The following HTR1F variants were observed in gnomAD, a reference collection of about 807,000 sequenced individuals.
The protein encoded by HTR1F is 5-hydroxytryptamine (serotonin) receptor 1F, G protein-coupled.
A neutral mutation model predicts 24.0 loss-of-function variants in HTR1F; 17 were observed. That is an observed-to-expected ratio of 0.71 (90% CI 0.48 to 1.06). The LOEUF is 1.06. Ranked by LOEUF, HTR1F falls within the 50% of genes least tolerant of loss-of-function variation. The pLI is 0.00. For synonymous variants in HTR1F, 186 were observed against 156.8 expected, an observed-to-expected ratio of 1.19 and a Z score of -1.39; for missense variants, 391 against 427.8, an observed-to-expected ratio of 0.91 and a Z score of 0.76.
chr3:87,990,957 T>A lies in HTR1F; in HGVS notation c.208T>A (p.Phe70Ile), dbSNP rs756449324. 6.2e-7 allele frequency: 1 copy of A among 1,614,118 alleles called. No homozygotes were observed. Among genetic ancestry groups the A allele is most frequent in the South Asian group, 1.1e-5 (1 of 91,088 alleles). The change falls in exon 3 of 3, where the codon TTT (phenylalanine) becomes ATT (isoleucine). Residue 70 changes from phenylalanine (F) to isoleucine (I), a missense_variant. Physicochemically the swap from Phe to Ile is conservative, Grantham distance 21. Coordinates refer to ENST00000319595, the MANE Select transcript of HTR1F (RefSeq NM_001322209.2). Reference protein sequence around the residue: ...YLICSLAVTDFLVAVLVMPFS... With the variant: ...YLICSLAVTDILVAVLVMPFS... ...AATTTGTTCCCTTGCAGTCACAGAT[T>A]TTCTTGTGGCTGTCCTGGTGATGCC...
intron 2 of HTR1F, among the ~76,000 whole-genome samples, chr3:87,932,163 T>A (rs1441009367): frequency 2.6e-5 from 4 of 152,082 alleles, no homozygotes; most frequent in African/African-American, 9.7e-5. Context: ...TCTTCTAGGG[T>A]TTTTATGGTT....
intron 2 of HTR1F, among the ~76,000 whole-genome samples, chr3:87,988,753 A>G (rs942252245): frequency 7.4e-6 from 1 of 134,778 alleles, no homozygotes; most frequent in Non-Finnish European, 1.6e-5. Context: ...TTTTTTTTGT[A>G]TTTTTAGTAG....
At chr3:87,809,022 A>G (rs1301607750) in intron 1 of HTR1F, among the ~76,000 whole-genome samples, 1 of 151,776 alleles carries the variant, frequency 6.6e-6, no homozygotes, top group Non-Finnish European at 1.5e-5. Context: ...ACATATTATT[A>G]CATTTCCTTT....
At chr3:87,896,248 T>A (rs1434916702) in intron 2 of HTR1F, among the ~76,000 whole-genome samples, 2 of 152,200 alleles carry the variant, frequency 1.3e-5, no homozygotes, top group East Asian at 3.9e-4. Flanking sequence ...ACACCAATAG[T>A]CATAGCAGCA....
At chr3:87,793,589 T>A (rs1357685461) in intron 1 of HTR1F, 1 of 151,836 alleles carries the variant, frequency 6.6e-6, no homozygotes, top group Non-Finnish European at 1.5e-5. Flanking sequence ...TCCTCAGGGG[T>A]CCTGCCCCTA....
intron 2 of HTR1F, among the ~76,000 whole-genome samples, chr3:87,961,311 C>T (rs191400035): frequency 3.9e-4 from 60 of 152,166 alleles, no homozygotes; most frequent in Non-Finnish European, 7.4e-4. Context: ...TATGCTCCTC[C>T]TTGTCATTGG....
chr3:87,850,465 G>A (rs1705060566), intron 2 of HTR1F, among the ~76,000 whole-genome samples: 1 of 151,874 alleles, frequency 6.6e-6, no homozygotes, highest in East Asian at 1.9e-4. Flanking sequence ...TTGTGGGGTG[G>A]GGGGAGTGGA....
chr3:87,898,739 A>ATACATAT (rs2107320899), intron 2 of HTR1F, among the ~76,000 whole-genome samples: 1 of 152,194 alleles, frequency 6.6e-6, no homozygotes, highest in African/African-American at 2.4e-5. Context: ...TTTGATTTAC[A>ATACATAT]TACATATGAT....
intron 2 of HTR1F, among the ~76,000 whole-genome samples, chr3:87,917,989 AATCCAACAACAT>A (rs1310817169): frequency 1.1e-4 from 16 of 152,078 alleles, no homozygotes; most frequent in African/African-American, 3.9e-4. Context: ...CTGTCTAACG[AATCCAACAACAT>A]ATCAAAAAGA....
chr3:87,893,332 G>A (rs937266684), intron 2 of HTR1F, among the ~76,000 whole-genome samples: 3 of 152,050 alleles, frequency 2.0e-5, no homozygotes, highest in African/African-American at 7.2e-5. Flanking sequence ...TGTTCACATT[G>A]TTTATCATTC....
intron 1 of HTR1F, among the ~76,000 whole-genome samples, chr3:87,818,110 A>G (rs1421563887): frequency 6.6e-6 from 1 of 152,184 alleles, no homozygotes; most frequent in Non-Finnish European, 1.5e-5. Context: ...CTTGTTGAAG[A>G]AGCTCTCAGC....
In HTR1F at chr3:87,991,481, C is replaced by T. The variant is rs1705828796; in HGVS notation, c.732C>T (p.Ser244=). ...GEKSTKSVST[S]YVLEKSLSDP... ...AAAGCACTAAATCAGTTTCCACATC[C>T]TATGTACTAGAAAAGTCTTTATCTG... The change falls in exon 3 of 3, where the codon TCC becomes TCT. Residue 244 remains serine, a synonymous_variant. Transcript: ENST00000319595. The T allele has an allele frequency of 6.2e-7, 1 of 1,613,930 alleles. No individual in the cohort carries two copies. The highest frequency in any genetic ancestry group is 1.3e-5 in the African/African-American group (1 of 74,920).
chr3:87,926,137 G>T (rs1365346712), intron 2 of HTR1F, among the ~76,000 whole-genome samples: 1 of 152,088 alleles, frequency 6.6e-6, no homozygotes, highest in Non-Finnish European at 1.5e-5. Context: ...GTATTCACAT[G>T]CTTTTGACAT....
At chr3:87,905,767 A>T (rs1439694350) in intron 2 of HTR1F, among the ~76,000 whole-genome samples, 1 of 152,070 alleles carries the variant, frequency 6.6e-6, no homozygotes, top group African/African-American at 2.4e-5. Flanking sequence ...TATCATTCTA[A>T]TCTTTCTTCA....
At chr3:87,899,493 G>A (rs2107322260) in intron 2 of HTR1F, among the ~76,000 whole-genome samples, 1 of 152,244 alleles carries the variant, frequency 6.6e-6, no homozygotes, top group Admixed American at 6.5e-5. Flanking sequence ...TTAAAGCTCT[G>A]TAGGAAAGCT....
intron 2 of HTR1F, among the ~76,000 whole-genome samples, chr3:87,950,201 C>T (rs1704802444): frequency 6.6e-6 from 1 of 152,216 alleles, no homozygotes; most frequent in South Asian, 2.1e-4. Context: ...GATCTGCCCA[C>T]ATGACCCAAA....
intron 2 of HTR1F, among the ~76,000 whole-genome samples, chr3:87,954,659 A>G (rs1704905753): frequency 6.6e-6 from 1 of 151,680 alleles, no homozygotes; most frequent in Non-Finnish European, 1.5e-5. Context: ...AAACAAAGAG[A>G]AAGTTGATAG....
chr3:87,973,205 A>T (rs12634668), intron 2 of HTR1F, among the ~76,000 whole-genome samples: 127,617 of 151,522 alleles, frequency 0.84, 54,391 homozygotes, highest in East Asian at 0.96. Context: ...CCTATCATGG[A>T]CTCTAATTTT....
chr3:87,911,026 A>C (rs1263151866), intron 2 of HTR1F, among the ~76,000 whole-genome samples: 3 of 152,036 alleles, frequency 2.0e-5, no homozygotes, highest in Non-Finnish European at 4.4e-5. Flanking sequence ...AAGTGAGAAT[A>C]ATCTCAAATT....
Sources: gnomAD v4.1 joint callset for allele counts (sites outside exome capture counted in the v4.1 genomes callset) on GRCh38, gnomAD v4.1.1 for gene constraint, MANE v1.5 for transcripts, NCBI Gene and HGNC (gene_info 2026-07-23, HGNC 2026-07-21) for gene names.